The following AKAP6 variants were observed in gnomAD, a reference collection of about 807,000 sequenced individuals.
AKAP6 encodes A-kinase anchoring protein 6.
AKAP6 carries 58 observed loss-of-function variants against 188.5 expected under a neutral mutation model. The ratio of observed to expected loss-of-function variants is 0.31; its 90% CI spans 0.25 to 0.38. AKAP6 has a LOEUF of 0.38. Among genes scored for constraint, AKAP6 ranks in the 10% least tolerant of loss-of-function variants. AKAP6 has a pLI of 1.00. For synonymous variants in AKAP6, 989 were observed against 998.6 expected, an observed-to-expected ratio of 0.99 and a Z score of 0.18; for missense variants, 2,710 against 2,740.0, an observed-to-expected ratio of 0.99 and a Z score of 0.24.
intron 2 of AKAP6, among the ~76,000 whole-genome samples, chr14:32,486,763 C>G (rs2138926242): frequency 6.6e-6 from 1 of 152,272 alleles, no homozygotes; most frequent in African/African-American, 2.4e-5. Context: ...CATCTGTAAA[C>G]AGAGATAATT....
chr14:32,742,663 T>A (rs975089467), intron 11 of AKAP6, among the ~76,000 whole-genome samples: 4 of 152,086 alleles, frequency 2.6e-5, no homozygotes, highest in Non-Finnish European at 5.9e-5. Flanking sequence ...AATTTCCTTG[T>A]GTTTGTATAG....
intron 11 of AKAP6, among the ~76,000 whole-genome samples, chr14:32,742,450 C>A (rs564957760): frequency 1.3e-5 from 2 of 151,350 alleles, no homozygotes; most frequent in Non-Finnish European, 3.0e-5. Context: ...CTTTAAGATG[C>A]TTTGTTATAT....
chr14:32,746,412 C>T (rs2031912565), intron 11 of AKAP6, among the ~76,000 whole-genome samples: 1 of 152,104 alleles, frequency 6.6e-6, no homozygotes, highest in Admixed American at 6.5e-5. Context: ...TTGGACCTTC[C>T]TTTCAAGGTA....
At chr14:32,550,929 C>G (rs747883253) in intron 4 of AKAP6, among the ~76,000 whole-genome samples, 21 of 152,176 alleles carry the variant, frequency 1.4e-4, no homozygotes, top group South Asian at 8.3e-4. Context: ...TCTCTCACTA[C>G]AGTCTATTTC....
At position 32,546,442 on chromosome 14, in the gene AKAP6, C is replaced by G. The variant is rs1883202705; in HGVS notation, c.1789C>G (p.Leu597Val). Residue 597 changes from leucine to valine, a missense_variant, in exon 4 of 14, where the codon CTT becomes GTT. Around this residue, in one of 2 missense-constraint regions of AKAP6, gnomAD observed 2,473 missense variants for 2,426.1 expected, o/e 1.02. Coordinates refer to ENST00000280979, the MANE Select transcript of AKAP6 (RefSeq NM_004274.5). Reference protein sequence around the residue: ...GSDNIMSPVPLLSKHKSKKGQ... With the variant: ...GSDNIMSPVPVLSKHKSKKGQ... ...AGACAACATCATGTCTCCGGTGCCA[C>G]TTCTTTCAAAACACAAAAGCAAAAA... The G allele has an allele frequency of 6.2e-7, 1 of 1,614,070 alleles. No homozygotes were observed. Among genetic ancestry groups the G allele is most frequent in the Non-Finnish European group, 8.5e-7 (1 of 1,180,038 alleles).
intron 7 of AKAP6, among the ~76,000 whole-genome samples, chr14:32,660,712 A>T (rs1888650156): frequency 6.6e-6 from 1 of 152,062 alleles, no homozygotes; most frequent in Non-Finnish European, 1.5e-5. Context: ...AATACTATTT[A>T]AAACGTGAGA....
intron 2 of AKAP6, among the ~76,000 whole-genome samples, chr14:32,498,665 T>G (rs958108212): frequency 2.0e-5 from 3 of 152,134 alleles, no homozygotes; most frequent in Admixed American, 6.6e-5. Flanking sequence ...TGAGCAACAC[T>G]ACTTGGTCTT....
At chr14:32,562,690 G>A (rs908466289) in intron 4 of AKAP6, among the ~76,000 whole-genome samples, 2 of 152,068 alleles carry the variant, frequency 1.3e-5, no homozygotes, top group African/African-American at 2.4e-5. Flanking sequence ...CCTGGGAGGC[G>A]GAGTTTGCAG....
At chr14:32,470,966 C>T (rs796780779) in intron 2 of AKAP6, among the ~76,000 whole-genome samples, 16 of 150,608 alleles carry the variant, frequency 1.1e-4, no homozygotes, top group African/African-American at 3.6e-4. Flanking sequence ...ATCTAATAAT[C>T]TCAAATACTT....
chr14:32,739,468 T>C lies in AKAP6; in HGVS notation c.3372+3586T>C, dbSNP rs58540636. Among the ~76,000 whole-genome samples the C allele has an allele frequency of 6.8e-4, 104 of 152,176 alleles. 2 individuals are homozygous for C. The East Asian group carries it at 0.019, about 28-fold the overall frequency. On this transcript the variant is annotated intron_variant, in intron 11 of 13. Coordinates refer to ENST00000280979, the MANE Select transcript of AKAP6 (RefSeq NM_004274.5). Reference sequence around the variant, plus strand: ...TTGTGCTATCAAATACTGGGTCTTATTCATTCATTCTATTTTTTTCTTTGT... The same window carrying C: ...TTGTGCTATCAAATACTGGGTCTTACTCATTCATTCTATTTTTTTCTTTGT...
intron 4 of AKAP6, among the ~76,000 whole-genome samples, chr14:32,566,092 A>G (rs570373327): frequency 6.6e-6 from 1 of 152,268 alleles, no homozygotes; most frequent in African/African-American, 2.4e-5. Flanking sequence ...GGAGTCCACA[A>G]GGTCAAAGCT....
intron 2 of AKAP6, among the ~76,000 whole-genome samples, chr14:32,465,689 A>G (rs1878373043): frequency 6.6e-6 from 1 of 152,214 alleles, no homozygotes; most frequent in African/African-American, 2.4e-5. Flanking sequence ...CTTCATGACT[A>G]AAACACAAAA....
chr14:32,434,267 A>G (rs1890312169), intron 2 of AKAP6, among the ~76,000 whole-genome samples: 1 of 152,168 alleles, frequency 6.6e-6, no homozygotes, highest in Admixed American at 6.5e-5. Flanking sequence ...AGGGAAGGGC[A>G]ATGTTCTTTT....
rs1310883753 is a variant in AKAP6 at position 32,510,412 on chromosome 14, ATG to A, written c.325-25140_325-25139del. Among the ~76,000 whole-genome samples, 28 of 92,080 alleles carry A rather than the reference ATG, an allele frequency of 3.0e-4. No homozygotes were observed. The East Asian group carries it at 6.8e-3, about 22-fold the overall frequency. The allele number at this position is 92,080 out of a possible 152,430, so 60.4% of individuals were successfully genotyped here. A position where few individuals can be genotyped will look rare whatever the true frequency, so the allele number is the denominator to read the frequency against. ...TATATGTGTATATATATGTATATAT[ATG>A]TATATATATACATATATATATGTGT... On this transcript the variant is annotated intron_variant, in intron 2 of 13. Transcript: ENST00000280979.
At chr14:32,810,767 G>T (rs1445235271) in intron 12 of AKAP6, among the ~76,000 whole-genome samples, 2 of 152,128 alleles carry the variant, frequency 1.3e-5, no homozygotes, top group Non-Finnish European at 2.9e-5. Flanking sequence ...ATCTTTATGA[G>T]AGGCTATTAA....
chr14:32,486,439 T>C (rs1382828113), intron 2 of AKAP6, among the ~76,000 whole-genome samples: 4 of 152,228 alleles, frequency 2.6e-5, no homozygotes, highest in African/African-American at 4.8e-5. Flanking sequence ...TGATTTTTCC[T>C]ATCCAAGAGC....
At chr14:32,813,893 AG>A (rs1276438741) in intron 12 of AKAP6, among the ~76,000 whole-genome samples, 1 of 101,218 alleles carries the variant, frequency 9.9e-6, no homozygotes, top group African/African-American at 5.0e-5. Context: ...TTTTTTTTGC[AG>A]GGGGCGGTTG....
intron 9 of AKAP6, among the ~76,000 whole-genome samples, chr14:32,729,974 G>A (rs533800045): frequency 5.3e-5 from 8 of 152,004 alleles, no homozygotes; most frequent in Non-Finnish European, 7.4e-5. Flanking sequence ...TAGGATGACC[G>A]AAAACTGATA....
chr14:32,777,254 C>G (rs983616799), intron 12 of AKAP6, among the ~76,000 whole-genome samples: 3 of 152,032 alleles, frequency 2.0e-5, no homozygotes, highest in Admixed American at 1.3e-4. Flanking sequence ...ACCCAACATA[C>G]AACAAGTTAA....
Sources: allele counts gnomAD v4.1 joint callset (sites outside exome capture counted in the v4.1 genomes callset), GRCh38; gene constraint gnomAD v4.1.1; regional missense constraint gnomAD v4.1.1; transcripts MANE v1.5; gene names NCBI Gene and HGNC (gene_info 2026-07-23, HGNC 2026-07-21).